ANKS1B: variants seen among roughly 807,000 people sequenced by gnomAD.
ANKS1B encodes the protein ankyrin repeat and sterile alpha motif domain containing 1B.
A neutral mutation model predicts 148.3 loss-of-function variants in ANKS1B; 36 were observed. The ratio of observed to expected loss-of-function variants is 0.24; its 90% confidence interval spans 0.19 to 0.32. The LOEUF (loss-of-function observed/expected upper bound fraction) is 0.32. Ranked by LOEUF, ANKS1B falls within the 10% of genes least tolerant of loss-of-function variation. ANKS1B has a pLI of 1.00. For synonymous variants in ANKS1B, 542 were observed against 560.8 expected, an observed-to-expected ratio of 0.97 and a Z score of 0.47; for missense variants, 1,157 against 1,542.6, an observed-to-expected ratio of 0.75 and a Z score of 4.19.
intron 17 of ANKS1B, among the ~76,000 whole-genome samples, chr12:98,945,720 C>CA (rs1320490814): frequency 2.6e-5 from 4 of 152,020 alleles, no homozygotes; most frequent in Admixed American, 2.6e-4. Flanking sequence ...TATGGATCAG[C>CA]AGGGATGGTG....
intron 9 of ANKS1B, among the ~76,000 whole-genome samples, chr12:99,638,951 G>C (rs2098272321): frequency 6.6e-6 from 1 of 152,034 alleles, no homozygotes; most frequent in Admixed American, 6.6e-5. Flanking sequence ...GCTTCCATGT[G>C]GTGTTGGTCC....
chr12:99,413,302 G>A (rs1189283167), intron 11 of ANKS1B, among the ~76,000 whole-genome samples: 3 of 152,110 alleles, frequency 2.0e-5, no homozygotes, highest in Admixed American at 6.5e-5. Context: ...AAAATTAAGC[G>A]GGAGAGATGA....
At chr12:98,886,724 C>T (rs1459078056) in intron 17 of ANKS1B, among the ~76,000 whole-genome samples, 1 of 152,030 alleles carries the variant, frequency 6.6e-6, no homozygotes, top group Non-Finnish European at 1.5e-5. Context: ...AAAAAAATCA[C>T]CTACAAAGGG....
At chr12:99,345,594 A>G (rs76414633) in intron 12 of ANKS1B, among the ~76,000 whole-genome samples, 2,486 of 152,048 alleles carry the variant, frequency 0.016, 71 homozygotes, top group African/African-American at 0.057. Context: ...CATTTTAAAG[A>G]GGAGGAAACT....
At chr12:99,105,202 A>G (rs963916133) in intron 15 of ANKS1B, among the ~76,000 whole-genome samples, 1 of 152,204 alleles carries the variant, frequency 6.6e-6, no homozygotes, top group Non-Finnish European at 1.5e-5. Context: ...CTGTTATGCA[A>G]TTAACACTCT....
At chr12:99,303,493 T>C (rs1680198971) in intron 12 of ANKS1B, among the ~76,000 whole-genome samples, 1 of 152,038 alleles carries the variant, frequency 6.6e-6, no homozygotes, top group African/African-American at 2.4e-5. Context: ...CAGTGGTGAA[T>C]CAGAAAAGGT....
At chr12:99,778,092 C>A (rs912737313) in intron 6 of ANKS1B, among the ~76,000 whole-genome samples, 2 of 151,750 alleles carry the variant, frequency 1.3e-5, no homozygotes, top group East Asian at 4.0e-4. Context: ...CCCAGCTACT[C>A]GGGAGGCTGA....
At chr12:99,966,420 T>C (rs1021669705) in intron 1 of ANKS1B, among the ~76,000 whole-genome samples, 1 of 152,224 alleles carries the variant, frequency 6.6e-6, no homozygotes, top group Non-Finnish European at 1.5e-5. Context: ...ATAAAAATAT[T>C]TGACAGTATG....
intron 14 of ANKS1B, among the ~76,000 whole-genome samples, chr12:99,221,107 A>AG (rs1173996118): frequency 6.6e-6 from 1 of 152,122 alleles, no homozygotes; most frequent in Non-Finnish European, 1.5e-5. Context: ...TGGGAGGCTG[A>AG]GGTGGGCAGA....
chr12:99,492,985 G>T (rs997527469), intron 10 of ANKS1B, among the ~76,000 whole-genome samples: 1 of 152,132 alleles, frequency 6.6e-6, no homozygotes, highest in African/African-American at 2.4e-5. Context: ...GCACAAGATA[G>T]GATGCCTTCT....
At chr12:99,488,914 T>G (rs2096528460) in intron 10 of ANKS1B, among the ~76,000 whole-genome samples, 1 of 152,122 alleles carries the variant, frequency 6.6e-6, no homozygotes, top group South Asian at 2.1e-4. Flanking sequence ...GATCTTGCCA[T>G]GATGACAGAG....
At chr12:99,005,459 A>G (rs1472900187) in intron 17 of ANKS1B, among the ~76,000 whole-genome samples, 3 of 152,202 alleles carry the variant, frequency 2.0e-5, no homozygotes, top group Admixed American at 6.5e-5. Context: ...AGGTTTAGTC[A>G]TGGGGTTTTT....
intron 1 of ANKS1B, among the ~76,000 whole-genome samples, chr12:99,846,767 C>T (rs1397527112): frequency 6.6e-6 from 1 of 152,084 alleles, no homozygotes; most frequent in Non-Finnish European, 1.5e-5. Flanking sequence ...GATTCATCCA[C>T]CCCAGAGTTG....
intron 17 of ANKS1B, among the ~76,000 whole-genome samples, chr12:98,853,753 T>C (rs781030572): frequency 6.6e-6 from 1 of 152,188 alleles, no homozygotes; most frequent in Admixed American, 6.5e-5. Flanking sequence ...TGTGCCTCCC[T>C]CTCAAACCAG....
chr12:98,890,765 T>C (rs1277450924), intron 17 of ANKS1B, among the ~76,000 whole-genome samples: 1 of 152,264 alleles, frequency 6.6e-6, no homozygotes, highest in African/African-American at 2.4e-5. Context: ...AAATACAATG[T>C]TCTCTTGCCA....
At chr12:99,111,400 T>C (rs2060254676) in intron 15 of ANKS1B, among the ~76,000 whole-genome samples, 1 of 152,166 alleles carries the variant, frequency 6.6e-6, no homozygotes, top group Non-Finnish European at 1.5e-5. Context: ...GAAGGATACT[T>C]TTGTTAGTGT....
chr12:99,734,150 C>G, intron 8 of ANKS1B, among the ~76,000 whole-genome samples: 1 of 152,120 alleles, frequency 6.6e-6, no homozygotes, highest in East Asian at 1.9e-4. Context: ...TCCTCTCTGC[C>G]TTATACCTAT....
intron 12 of ANKS1B, among the ~76,000 whole-genome samples, chr12:99,309,781 A>T (rs2082886943): frequency 6.6e-6 from 1 of 152,160 alleles, no homozygotes; most frequent in Admixed American, 6.6e-5. Context: ...AACAAAATAA[A>T]GTGAAGCTCT....
intron 9 of ANKS1B, among the ~76,000 whole-genome samples, chr12:99,637,844 C>T (rs952987146): frequency 6.9e-6 from 1 of 145,108 alleles, no homozygotes; most frequent in Non-Finnish European, 1.5e-5. Context: ...TACACATACA[C>T]GGAGAGAGAG....
Sources: allele counts gnomAD v4.1 joint callset (sites outside exome capture counted in the v4.1 genomes callset), GRCh38; gene constraint gnomAD v4.1.1; transcripts MANE v1.5; gene names NCBI Gene and HGNC (gene_info 2026-07-23, HGNC 2026-07-21).